The following ZMYND11 variants were observed in gnomAD, a reference collection of about 807,000 sequenced individuals.
ZMYND11 encodes the protein zinc finger MYND-type containing 11, also known as zinc finger MYND domain-containing protein 11.
A neutral mutation model predicts 84.9 loss-of-function variants in ZMYND11; 9 were observed. That is an observed-to-expected ratio of 0.11 (90% CI 0.06 to 0.18). The LOEUF (loss-of-function observed/expected upper bound fraction) is 0.18, where lower values mean the gene tolerates loss of function less well. Among genes scored for constraint, ZMYND11 ranks in the 10% least tolerant of loss-of-function variants. The pLI, the probability that ZMYND11 is intolerant of heterozygous loss-of-function variation, is 1.00. For missense variants in ZMYND11, 409 were observed against 761.0 expected (o/e 0.54, Z 5.44); for synonymous variants, 250 against 244.1 (o/e 1.02, Z -0.23).
intron 1 of ZMYND11, among the ~76,000 whole-genome samples, chr10:159,152 C>G (rs562709009): frequency 1.3e-5 from 2 of 149,586 alleles, no homozygotes; most frequent in South Asian, 4.2e-4. Context: ...CTGTACTCCA[C>G]TGTATGGATG....
chr10:205,194 T>C (rs1202669717), intron 2 of ZMYND11, among the ~76,000 whole-genome samples: 1 of 152,206 alleles, frequency 6.6e-6, no homozygotes, highest in Admixed American at 6.5e-5. Flanking sequence ...TTTTATTCTG[T>C]GTTCAGGTTT....
chr10:175,875 G>A (rs1384472297), intron 1 of ZMYND11, among the ~76,000 whole-genome samples: 1 of 152,158 alleles, frequency 6.6e-6, no homozygotes, highest in African/African-American at 2.4e-5. Flanking sequence ...ATTTTATGCA[G>A]TATACTGATA....
intron 14 of ZMYND11, among the ~76,000 whole-genome samples, chr10:250,963 A>C (rs1258736135): frequency 6.6e-6 from 1 of 151,254 alleles, no homozygotes; most frequent in Admixed American, 6.6e-5. Flanking sequence ...GCAGAGATCA[A>C]AATGAGCTGA....
intron 3 of ZMYND11, among the ~76,000 whole-genome samples, chr10:213,968 TATATA>T (rs1292314410): frequency 1.3e-5 from 2 of 152,212 alleles, no homozygotes; most frequent in Non-Finnish European, 1.5e-5. Flanking sequence ...AAAGCCTAAC[TATATA>T]ATATGTCAGG....
chr10:196,010 T>A (rs1009931258), intron 2 of ZMYND11, among the ~76,000 whole-genome samples: 3 of 152,218 alleles, frequency 2.0e-5, no homozygotes, highest in African/African-American at 7.2e-5. Context: ...CTGCATTGTC[T>A]AATCACTGTT....
chr10:220,176 A>G (rs142204861), intron 3 of ZMYND11, among the ~76,000 whole-genome samples: 430 of 152,274 alleles, frequency 2.8e-3, no homozygotes, highest in African/African-American at 9.9e-3. Context: ...AACCGTATAG[A>G]TAACAATTTA....
intron 4 of ZMYND11, among the ~76,000 whole-genome samples, chr10:228,453 C>T (rs2131543355): frequency 6.6e-6 from 1 of 152,286 alleles, no homozygotes; most frequent in South Asian, 2.1e-4. Context: ...AAATGGAAAG[C>T]TCACTCAGTG....
chr10:203,990 T>C (rs183227932), intron 2 of ZMYND11, among the ~76,000 whole-genome samples: 2 of 152,218 alleles, frequency 1.3e-5, no homozygotes, highest in African/African-American at 2.4e-5. Flanking sequence ...TTATCAGTTA[T>C]TTAACCAGTC....
chr10:166,989 A>G (rs1236548127), intron 1 of ZMYND11, among the ~76,000 whole-genome samples: 1 of 152,186 alleles, frequency 6.6e-6, no homozygotes, highest in Non-Finnish European at 1.5e-5. Flanking sequence ...AATAAGACAG[A>G]CACAAAAGGA....
chr10:252,258 A>T lies in ZMYND11; in HGVS notation c.1687-90A>T. 1 of 1,469,108 alleles carries T rather than the reference A, an allele frequency of 6.8e-7. No homozygotes were observed. Among genetic ancestry groups the T allele is most frequent in the Non-Finnish European group, 9.3e-7 (1 of 1,079,702 alleles). The allele number at this position is 1,469,108 out of a possible 1,614,324, so 91.0% of individuals were successfully genotyped here. On this transcript the variant is annotated intron_variant, in intron 14 of 14. Transcript: ENST00000381604. The surrounding 1 kb of genome is among the most constrained non-coding windows in gnomAD (Gnocchi z 4.6). ...AAAGGTTGAGCCAGAAAGATCTTTT[A>T]AAAGCACCACCTCAAGAGTTTGCCA...
intron 4 of ZMYND11, among the ~76,000 whole-genome samples, chr10:235,846 GTTAT>G (rs1009086872): frequency 1.6e-4 from 25 of 152,116 alleles, no homozygotes; most frequent in African/African-American, 5.1e-4. Flanking sequence ...GTTTCCACTT[GTTAT>G]TTAGATATTT....
At chr10:200,205 G>GGTGGGTGTGTGTGTGTGT (rs1554774403) in intron 2 of ZMYND11, among the ~76,000 whole-genome samples, 3 of 132,434 alleles carry the variant, frequency 2.3e-5, no homozygotes, top group East Asian at 2.1e-4. Context: ...GCCTGGCTAG[G>GGTGGGTGTGTGTGTGTGT]GTGTGTGTGT....
intron 4 of ZMYND11, among the ~76,000 whole-genome samples, chr10:229,033 A>C (rs1436948519): frequency 3.9e-5 from 6 of 152,134 alleles, no homozygotes; most frequent in Non-Finnish European, 8.8e-5. Flanking sequence ...ACTATATTTG[A>C]GAGATGCTTT....
At chr10:144,668 A>G (rs1357241492) in intron 1 of ZMYND11, among the ~76,000 whole-genome samples, 1 of 145,506 alleles carries the variant, frequency 6.9e-6, no homozygotes, top group Non-Finnish European at 1.5e-5. Flanking sequence ...TTTTTTAACA[A>G]AAACATTAAA....
chr10:184,396 ATC>A (rs1248144812), intron 2 of ZMYND11, among the ~76,000 whole-genome samples: 1 of 151,698 alleles, frequency 6.6e-6, no homozygotes, highest in Non-Finnish European at 1.5e-5. Flanking sequence ...AATTCTTTTC[ATC>A]TTTTTTCTTT....
chr10:179,818 A>G (rs1024295199), intron 1 of ZMYND11, among the ~76,000 whole-genome samples, 176 bp from the exon 2 acceptor site: 1 of 152,190 alleles, frequency 6.6e-6, no homozygotes, highest in African/African-American at 2.4e-5. Context: ...AATGAAATGA[A>G]TGATACTTTA....
chr10:223,032 CT>C (rs11362687), intron 4 of ZMYND11, among the ~76,000 whole-genome samples: 131,295 of 144,164 alleles, frequency 0.91, 60,218 homozygotes, highest in Non-Finnish European at 0.97. Context: ...TTCCTTTACT[CT>C]TTTTTTTTTT....
At chr10:231,151 T>C (rs929784275) in intron 4 of ZMYND11, among the ~76,000 whole-genome samples, 3 of 152,208 alleles carry the variant, frequency 2.0e-5, no homozygotes, top group African/African-American at 7.2e-5. Flanking sequence ...AACAGCAGAA[T>C]TAAGTAGTCG....
chr10:152,919 G>C (rs781926999), intron 1 of ZMYND11, among the ~76,000 whole-genome samples: 1 of 152,166 alleles, frequency 6.6e-6, no homozygotes, highest in Non-Finnish European at 1.5e-5. Context: ...ACTCAAAACC[G>C]CTCAACTACA....
Sources: allele counts gnomAD v4.1 joint callset (sites outside exome capture counted in the v4.1 genomes callset), GRCh38; gene constraint gnomAD v4.1.1; non-coding constraint Gnocchi (gnomAD v3.1); transcripts MANE v1.5; gene names NCBI Gene and HGNC (gene_info 2026-07-23, HGNC 2026-07-21).